The following CEACAM6 variants were observed in gnomAD, a reference collection of about 807,000 sequenced individuals.
The protein encoded by CEACAM6 is CEA cell adhesion molecule 6.
Under a neutral mutation model 32.4 loss-of-function variants are expected in CEACAM6, and 21 were observed. The observed-to-expected ratio is 0.65, with a 90% confidence interval of 0.46 to 0.93. The LOEUF is 0.93. Ranked by LOEUF, CEACAM6 falls within the 40% of genes least tolerant of loss-of-function variation. CEACAM6 has a pLI of 0.00. For synonymous variants in CEACAM6, 184 were observed against 174.4 expected (o/e 1.06, Z -0.43); for missense variants, 406 against 432.2 (o/e 0.94, Z 0.54).
At position 41,771,113 on chromosome 19, in the gene CEACAM6, T is replaced by G. The variant is rs1002122407; in HGVS notation, c.*352T>G. 10 of 152,372 alleles carry G rather than the reference T, an allele frequency of 6.6e-5. No individual in the cohort carries two copies. Among genetic ancestry groups the G allele is most frequent in the Admixed American group, 1.3e-4 (2 of 15,304 alleles). The allele number at this position is 152,372 out of a possible 1,614,324, so 9.4% of individuals were successfully genotyped here. ...CCCCCTTTTAATTTGTCCTTGCTTA[T>G]GCCTGCCTCTTTCGCTTGGCAGGAT... On this transcript the variant is annotated 3_prime_UTR_variant, in exon 6 of 6. Transcript: ENST00000199764.
intron 2 of CEACAM6, among the ~76,000 whole-genome samples, chr19:41,759,233 C>A (rs1476751255): frequency 1.3e-5 from 2 of 152,330 alleles, no homozygotes; most frequent in South Asian, 4.1e-4. Context: ...CATGATGATG[C>A]CATTGTCATA....
intron 4 of CEACAM6, among the ~76,000 whole-genome samples, chr19:41,763,154 T>A (rs1324399077): frequency 2.0e-5 from 3 of 152,148 alleles, no homozygotes; most frequent in Non-Finnish European, 4.4e-5. Context: ...TGCAGGTCCG[T>A]AGTATTAAAC....
At chr19:41,766,443 C>G in intron 5 of CEACAM6, 144 bp downstream of exon 5, 1 of 469,372 alleles carries the variant, frequency 2.1e-6, no homozygotes, top group Non-Finnish European at 3.8e-6. Context: ...TCCTGCAGGT[C>G]TCTTCTTCCC....
chr19:41,770,636 G>A (rs1380018497), intron 5 of CEACAM6, among the ~76,000 whole-genome samples, 166 bp from the exon 6 acceptor site: 2 of 152,224 alleles, frequency 1.3e-5, no homozygotes, highest in African/African-American at 4.8e-5. Flanking sequence ...GGCCAAGTTC[G>A]ATGAGACTAA....
intron 4 of CEACAM6, among the ~76,000 whole-genome samples, chr19:41,762,851 C>T (rs1359424549): frequency 1.3e-5 from 2 of 152,194 alleles, no homozygotes; most frequent in South Asian, 2.1e-4. Context: ...AACACCAAAG[C>T]CTCCCCTGGA....
rs1018840490 is a variant in CEACAM6 at position 41,771,697 on chromosome 19, A to G, written c.*936A>G. Reference sequence around the variant, plus strand: ...ATGTCTGCATGCAGCCAGCCATCAAATAGTGAATGGTCTCTCTTTGGCTGG... The same window carrying G: ...ATGTCTGCATGCAGCCAGCCATCAAGTAGTGAATGGTCTCTCTTTGGCTGG... On this transcript the variant is annotated 3_prime_UTR_variant, in exon 6 of 6. Transcript: ENST00000199764. The G allele has an allele frequency of 1.3e-5, 2 of 152,348 alleles. No homozygotes were observed. The highest frequency in any genetic ancestry group is 3.4e-3 in the Middle Eastern group (1 of 294). The allele number at this position is 152,348 out of a possible 1,614,324, so 9.4% of individuals were successfully genotyped here.
chr19:41,768,643 G>A lies in CEACAM6; in HGVS notation c.*41-2159G>A, dbSNP rs565571638. ...ACCTCCCAGACGGGGTGGTGGCCAGGCAGAGGGGCTCCTCACTTCCCAGTA... is the reference window on the plus strand; with the variant it reads ...ACCTCCCAGACGGGGTGGTGGCCAGACAGAGGGGCTCCTCACTTCCCAGTA... On this transcript the variant is annotated intron_variant, in intron 5 of 5. Transcript: ENST00000199764. Among the ~76,000 whole-genome samples, 730 of 151,864 alleles carry A rather than the reference G, an allele frequency of 4.8e-3. 2 individuals carry two copies. Among genetic ancestry groups the A allele is most frequent in the Admixed American group, 7.6e-3 (116 of 15,292 alleles).
At position 41,771,321 on chromosome 19, in the gene CEACAM6, G is replaced by C. The variant is rs1382253483; in HGVS notation, c.*560G>C. The C allele has an allele frequency of 6.6e-6, 1 of 152,158 alleles. No individual in the cohort carries two copies. The highest frequency in any genetic ancestry group is 2.4e-5 in the African/African-American group (1 of 41,436). The allele number at this position is 152,158 out of a possible 1,614,324, so 9.4% of individuals were successfully genotyped here. The stretch of plus-strand genomic sequence containing the variant: ...CAAATGTACAGTGGTCCTTTTCAGA[G>C]TTGGACTTCTAGACTCACCTGTTCT... On this transcript the variant is annotated 3_prime_UTR_variant, in exon 6 of 6. Transcript: ENST00000199764.
intron 5 of CEACAM6, among the ~76,000 whole-genome samples, chr19:41,769,260 A>G (rs1311150850): frequency 6.6e-6 from 1 of 152,082 alleles, no homozygotes. Context: ...AATTATTTTG[A>G]TTCTTCCTTC....
At chr19:41,768,244 C>T (rs889640694) in intron 5 of CEACAM6, among the ~76,000 whole-genome samples, 26 of 152,272 alleles carry the variant, frequency 1.7e-4, no homozygotes, top group Admixed American at 3.3e-4. Context: ...GAGGACCCTG[C>T]GGCCTTCCGC....
At position 41,756,903 on chromosome 19, in the gene CEACAM6, A is replaced by G; in HGVS notation, c.368A>G (p.Gln123Arg). ...AATGACACAGGATTCTATACCCTACAAGTCATAAAGTCAGATCTTGTGAAT... is the reference window on the plus strand; with the variant it reads ...AATGACACAGGATTCTATACCCTACGAGTCATAAAGTCAGATCTTGTGAAT... ...TQNDTGFYTL[Q>R]VIKSDLVNEE... The change falls in exon 2 of 6, where the codon CAA becomes CGA. Residue 123 changes from glutamine (Q) to arginine (R), a missense_variant. By Grantham distance (43) the Gln-to-Arg change is conservative (BLOSUM62 1). Transcript: ENST00000199764. 2 of 1,613,908 alleles carry G rather than the reference A, an allele frequency of 1.2e-6. No individual in the cohort carries two copies. Among genetic ancestry groups the G allele is most frequent in the Non-Finnish European group, 1.7e-6 (2 of 1,179,872 alleles).
intron 4 of CEACAM6, among the ~76,000 whole-genome samples, chr19:41,764,480 G>A (rs1261115723): frequency 6.6e-6 from 1 of 151,984 alleles, no homozygotes; most frequent in East Asian, 1.9e-4. Context: ...TGTGGAGACT[G>A]TGTCGCCCTA....
chr19:41,755,828 A>G, intron 1 of CEACAM6, 126 bp downstream of exon 1: 1 of 664,704 alleles, frequency 1.5e-6, no homozygotes, highest in South Asian at 2.2e-5. Context: ...GAAACAGAAC[A>G]CCAGAGAGGG....
intron 5 of CEACAM6, among the ~76,000 whole-genome samples, chr19:41,769,747 A>G (rs1351482619): frequency 6.7e-6 from 1 of 148,952 alleles, no homozygotes; most frequent in Non-Finnish European, 1.5e-5. Flanking sequence ...TTGTTATAAA[A>G]TAATTATTAT....
chr19:41,761,605 T>C (rs1050104541), intron 3 of CEACAM6, 78 bp downstream of exon 3: 5 of 1,584,884 alleles, frequency 3.2e-6, no homozygotes, highest in Admixed American at 3.4e-5. Flanking sequence ...TCTCAGTCCC[T>C]CTCAGGTCTA....
chr19:41,768,696 C>A (rs1475689294), intron 5 of CEACAM6, among the ~76,000 whole-genome samples: 3 of 151,910 alleles, frequency 2.0e-5, no homozygotes, highest in Non-Finnish European at 4.4e-5. Flanking sequence ...GCGCCCCTCA[C>A]CTCCCAGACG....
intron 3 of CEACAM6, 56 bp downstream of exon 3, chr19:41,761,583 A>G: frequency 6.2e-7 from 1 of 1,601,028 alleles, no homozygotes; most frequent in East Asian, 2.2e-5. Flanking sequence ...CCACACAGCC[A>G]GAGTCCAGGT....
chr19:41,763,267 C>A (rs1337064709), intron 4 of CEACAM6, among the ~76,000 whole-genome samples: 1 of 152,156 alleles, frequency 6.6e-6, no homozygotes, highest in African/African-American at 2.4e-5. Flanking sequence ...GGCAGAGCTG[C>A]CCACCTGTGA....
At chr19:41,768,942 TTTTTTG>T (rs1294163797) in intron 5 of CEACAM6, among the ~76,000 whole-genome samples, 9 of 152,128 alleles carry the variant, frequency 5.9e-5, no homozygotes, top group Non-Finnish European at 1.3e-4. Context: ...GGGGGGGTTG[TTTTTTG>T]TTTTTGTTTT....
Sources: allele counts gnomAD v4.1 joint callset (sites outside exome capture counted in the v4.1 genomes callset), GRCh38; gene constraint gnomAD v4.1.1; transcripts MANE v1.5; gene names NCBI Gene and HGNC (gene_info 2026-07-23, HGNC 2026-07-21).